UROC1: variants seen among roughly 807,000 people sequenced by gnomAD.
UROC1 encodes urocanate hydratase.
UROC1 carries 79 observed loss-of-function variants against 89.5 expected under a neutral mutation model. The observed-to-expected ratio is 0.88, with a 90% CI of 0.74 to 1.06. The LOEUF (loss-of-function observed/expected upper bound fraction) is 1.06. Among genes scored for constraint, UROC1 ranks in the 50% least tolerant of loss-of-function variants. The probability of loss-of-function intolerance (pLI) is 0.00; values close to 1 mark genes in which losing one functional copy is unlikely to be tolerated. For synonymous variants in UROC1, 361 were observed against 354.8 expected (o/e 1.02, Z -0.20); for missense variants, 885 against 907.8 (o/e 0.97, Z 0.32).
intron 17 of UROC1, 120 bp downstream of exon 17, chr3:126,489,156 C>G (rs536430429): frequency 1.7e-5 from 17 of 994,270 alleles, no homozygotes; most frequent in Middle Eastern, 2.2e-4. Flanking sequence ...GTTGGTCACT[C>G]TATGCCGAGC....
chr3:126,505,638 A>AGGGC (rs1936036847), intron 8 of UROC1, 63 bp downstream of exon 8: 1 of 1,207,512 alleles, frequency 8.3e-7, no homozygotes, highest in Non-Finnish European at 1.1e-6. Flanking sequence ...GGGAGGAAGA[A>AGGGC]GGGAGGGAGG....
chr3:126,506,992 T>C (rs1321908816), intron 6 of UROC1, among the ~76,000 whole-genome samples: 4 of 152,100 alleles, frequency 2.6e-5, no homozygotes, highest in Non-Finnish European at 5.9e-5. Flanking sequence ...GGCAGGAGAA[T>C]CACTTGAACC....
intron 9 of UROC1, among the ~76,000 whole-genome samples, chr3:126,502,422 ATG>A (rs1240750977): frequency 6.8e-6 from 1 of 146,654 alleles, no homozygotes; most frequent in Non-Finnish European, 1.5e-5. Context: ...TATGTGTGTT[ATG>A]TGTTTGTGTT....
At chr3:126,505,137 G>A (rs1270242571) in intron 8 of UROC1, among the ~76,000 whole-genome samples, 1 of 152,206 alleles carries the variant, frequency 6.6e-6, no homozygotes, top group Non-Finnish European at 1.5e-5. Context: ...GACCTCAACA[G>A]AAGCAGATGT....
intron 13 of UROC1, among the ~76,000 whole-genome samples, chr3:126,498,645 G>C (rs1935839450): frequency 6.6e-6 from 1 of 152,050 alleles, no homozygotes; most frequent in Non-Finnish European, 1.5e-5. Flanking sequence ...GCCAGGGGGT[G>C]CCTCCTCCTG....
At chr3:126,493,648 T>C (rs1446100307) in intron 15 of UROC1, among the ~76,000 whole-genome samples, 3 of 152,174 alleles carry the variant, frequency 2.0e-5, no homozygotes, top group Admixed American at 1.3e-4. Context: ...AGCTCTGAGA[T>C]GGATGGTGGT....
intron 14 of UROC1, among the ~76,000 whole-genome samples, chr3:126,496,973 C>T (rs1198833527): frequency 1.3e-5 from 2 of 152,102 alleles, no homozygotes; most frequent in Admixed American, 6.5e-5. Context: ...GGCTTCTTTC[C>T]GGAGGGCTGG....
intron 11 of UROC1, 57 bp from the exon 12 acceptor site, chr3:126,500,211 T>C (rs935859382): frequency 8.9e-6 from 14 of 1,568,286 alleles, no homozygotes; most frequent in Non-Finnish European, 1.2e-5. Flanking sequence ...CTCCCCAATG[T>C]GGCACCCTCA....
chr3:126,513,461 G>A (rs1443053765), intron 1 of UROC1, among the ~76,000 whole-genome samples: 2 of 152,186 alleles, frequency 1.3e-5, no homozygotes, highest in African/African-American at 2.4e-5. Context: ...TGCGGACAGC[G>A]CTCTGGGTTG....
chr3:126,509,773 A>T (rs1936155895), intron 2 of UROC1, 95 bp from the exon 3 acceptor site: 4 of 1,171,626 alleles, frequency 3.4e-6, no homozygotes, highest in Non-Finnish European at 5.0e-6. Flanking sequence ...AGGCAAGGAT[A>T]GCCGGACACG....
At position 126,481,393 on chromosome 3, in the gene UROC1, G is replaced by C. The variant is rs939299705; in HGVS notation, c.*952C>G. 6.6e-6 allele frequency: 1 copy of C among 152,260 alleles called. No individual in the cohort carries two copies. The highest frequency in any genetic ancestry group is 2.4e-5 in the African/African-American group (1 of 41,458). The allele number at this position is 152,260 out of a possible 1,614,324, so 9.4% of individuals were successfully genotyped here. A position where few individuals can be genotyped will look rare whatever the true frequency, so the allele number is the denominator to read the frequency against. On this transcript the variant is annotated 3_prime_UTR_variant, in exon 20 of 20. Coordinates refer to ENST00000290868, the MANE Select transcript of UROC1 (RefSeq NM_144639.3). ...TGCTGGGGAGGAGATGCGGAGTGCA[G>C]GGAGGGTGGGGACCAAGAACCCGGC...
chr3:126,501,154 G>T, intron 10 of UROC1, 64 bp downstream of exon 10: 6 of 1,526,456 alleles, frequency 3.9e-6, no homozygotes, highest in Non-Finnish European at 5.5e-6. Flanking sequence ...CAGCATTGAG[G>T]TCTTTGCTCA....
rs72979995 is a variant in UROC1, at chr3:126,508,793, G to A, written c.352-318C>T. On this transcript the variant is annotated intron_variant, in intron 3 of 19. Coordinates refer to ENST00000290868, the MANE Select transcript of UROC1 (RefSeq NM_144639.3). ...TTTAGGGCGTTTCCACCTACTAGGC[G>A]AAGTGGTCACATTCTGGCAACATAT... Among the ~76,000 whole-genome samples the A allele has an allele frequency of 4.4e-3, 673 of 152,196 alleles. 2 individuals carry two copies. The highest frequency in any genetic ancestry group is 0.014 in the African/African-American group (595 of 41,510).
At position 126,488,295 on chromosome 3, in the gene UROC1, C is replaced by T. The variant is rs201116908; in HGVS notation, c.1709-16G>A. 7,537 of 1,614,078 alleles carry T rather than the reference C, an allele frequency of 4.7e-3. 24 individuals are homozygous for T. The highest frequency in any genetic ancestry group is 5.6e-3 in the Non-Finnish European group (6,617 of 1,179,940). ...ACAGCCATGTCTGCGGAAATAGAGA[C>T]GCCTCTGCTCATCACCCCCTGCACT... On this transcript the variant is annotated splice_polypyrimidine_tract_variant and intron_variant, in intron 17 of 19. Transcript: ENST00000290868.
At chr3:126,489,162 C>G (rs959460324) in intron 17 of UROC1, 114 bp downstream of exon 17, 1 of 1,050,110 alleles carries the variant, frequency 9.5e-7, no homozygotes, top group Non-Finnish European at 1.5e-6. Context: ...CACTCTATGC[C>G]GAGCCTCTCA....
chr3:126,491,232 G>A (rs1166103302), intron 16 of UROC1, among the ~76,000 whole-genome samples: 1 of 152,156 alleles, frequency 6.6e-6, no homozygotes, highest in Non-Finnish European at 1.5e-5. Context: ...TTCATTTCCT[G>A]CACGCCGCTC....
Position 126,482,201 on chromosome 3 carries a change from C to G in UROC1, c.*144G>C. 8.1e-7 allele frequency: 1 copy of G among 1,240,060 alleles called. No homozygotes were observed. Among genetic ancestry groups the G allele is most frequent in the Non-Finnish European group, 1.1e-6 (1 of 880,728 alleles). The allele number at this position is 1,240,060 out of a possible 1,614,324, so 76.8% of individuals were successfully genotyped here. A position where few individuals can be genotyped will look rare whatever the true frequency, so the allele number is the denominator to read the frequency against. Reference sequence around the variant, plus strand: ...TCTGTAAAATGAGGCTGTGGTGGCACCCTGCACAGGGCACCATAAGGGCCA... The same window carrying G: ...TCTGTAAAATGAGGCTGTGGTGGCAGCCTGCACAGGGCACCATAAGGGCCA... On this transcript the variant is annotated 3_prime_UTR_variant, in exon 20 of 20. Transcript: ENST00000290868.
chr3:126,498,087 C>A lies in UROC1; in HGVS notation c.1402G>T (p.Ala468Ser). 1.2e-6 allele frequency: 2 copies of A among 1,614,146 alleles called. No homozygotes were observed. Among genetic ancestry groups the A allele is most frequent in the Non-Finnish European group, 1.7e-6 (2 of 1,180,020 alleles). The change falls in exon 14 of 20, where the codon GCC (alanine) becomes TCC (serine). Residue 468 changes from alanine to serine, a missense_variant. Physicochemically the swap from Ala to Ser is moderately conservative, Grantham distance 99. Transcript: ENST00000290868. ...ATGGCTTCCTCCAGCACAGATGTGG[C>A]CAGTTCGTCTGTGACCGCCAGGTCC... Reference protein sequence around the residue: ...PQDLAVTDELATSVLEEAIAD... With the variant: ...PQDLAVTDELSTSVLEEAIAD...
Position 126,505,743 on chromosome 3 carries a change from G to A in UROC1, c.771C>T (p.Ala257=), listed in dbSNP as rs745450704. The change falls in exon 8 of 20, where the codon GCC becomes GCT. Residue 257 remains alanine, a synonymous_variant. Coordinates refer to ENST00000290868, the MANE Select transcript of UROC1 (RefSeq NM_144639.3). ...TGCACCCCACGATGACTGCGGCCTT[G>A]GCCTGAGCCCCACTCATTCCGCCGA... ...SGLGGMSGAQ[A]KAAVIVGCIG... 2.5e-5 allele frequency: 40 copies of A among 1,613,716 alleles called. No homozygotes were observed. Among genetic ancestry groups the A allele is most frequent in the Middle Eastern group, 1.6e-4 (1 of 6,084 alleles).
Sources: allele counts gnomAD v4.1 joint callset (sites outside exome capture counted in the v4.1 genomes callset), GRCh38; gene constraint gnomAD v4.1.1; transcripts MANE v1.5; gene names NCBI Gene and HGNC (gene_info 2026-07-23, HGNC 2026-07-21).